The following MELK variants were observed in gnomAD, a reference collection of about 807,000 sequenced individuals.
MELK encodes maternal embryonic leucine zipper kinase.
In MELK, 81 loss-of-function variants were observed where a neutral mutation model predicts 85.0. The observed-to-expected ratio is 0.95, with a 90% CI of 0.80 to 1.15. MELK has a LOEUF of 1.15. Among genes scored for constraint, MELK ranks in the 50% most tolerant of loss-of-function variants. The pLI, the probability that MELK is intolerant of heterozygous loss-of-function variation, is 0.00. For synonymous variants in MELK, 252 were observed against 265.0 expected (o/e 0.95, Z 0.48); for missense variants, 754 against 777.5 (o/e 0.97, Z 0.36).
At chr9:36,618,242 C>A (rs57109612) in intron 8 of MELK, among the ~76,000 whole-genome samples, 1 of 151,882 alleles carries the variant, frequency 6.6e-6, no homozygotes, top group East Asian at 1.9e-4. Context: ...AACCCCATCT[C>A]TACTAAAAAT....
chr9:36,657,914 G>T (rs1475799930), intron 13 of MELK, among the ~76,000 whole-genome samples: 1 of 152,090 alleles, frequency 6.6e-6, no homozygotes, highest in Non-Finnish European at 1.5e-5. Context: ...GTATAATGAG[G>T]TATACTTTAC....
intron 8 of MELK, among the ~76,000 whole-genome samples, chr9:36,615,470 G>A (rs1826598659): frequency 1.4e-5 from 2 of 144,178 alleles, no homozygotes; most frequent in Non-Finnish European, 3.1e-5. Flanking sequence ...CTCCCGGATG[G>A]GGCGGCTGGC....
chr9:36,671,126 A>T lies in MELK; in HGVS notation c.1634A>T (p.Lys545Ile), dbSNP rs147882939. ...DKVITVLTRS[K>I]RKGSARDGPR... ...GTTATCACTGTGCTCACCAGGAGCA[A>T]AAGGAAGGGTTCTGCCAGAGACGGG... Residue 545 changes from lysine (K) to isoleucine (I), a missense_variant, in exon 16 of 18, where the codon AAA becomes ATA. Coordinates refer to ENST00000298048, the MANE Select transcript of MELK (RefSeq NM_014791.4). 299 of 1,610,456 alleles carry T rather than the reference A, an allele frequency of 1.9e-4. No individual in the cohort carries two copies. The highest frequency in any genetic ancestry group is 2.0e-4 in the Non-Finnish European group (240 of 1,178,232).
chr9:36,574,715 T>C (rs1821464112), intron 1 of MELK, among the ~76,000 whole-genome samples: 1 of 152,228 alleles, frequency 6.6e-6, no homozygotes, highest in African/African-American at 2.4e-5. Flanking sequence ...AATGTATTTA[T>C]GCGGCAAGTA....
chr9:36,580,697 G>A (rs1822144917), intron 1 of MELK, among the ~76,000 whole-genome samples: 1 of 147,582 alleles, frequency 6.8e-6, no homozygotes, highest in Non-Finnish European at 1.5e-5. Context: ...CCTTTTCCAT[G>A]TTTTTGTTGG....
chr9:36,627,249 T>C (rs891485203), intron 8 of MELK, among the ~76,000 whole-genome samples: 2 of 152,132 alleles, frequency 1.3e-5, no homozygotes, highest in African/African-American at 4.8e-5. Context: ...CAGACAGGTA[T>C]GGATCACTCA....
At chr9:36,599,895 A>G (rs1230256156) in intron 7 of MELK, among the ~76,000 whole-genome samples, 1 of 152,194 alleles carries the variant, frequency 6.6e-6, no homozygotes, top group Non-Finnish European at 1.5e-5. Flanking sequence ...GTAGGAGTCC[A>G]GGCTGAGAAG....
intron 12 of MELK, among the ~76,000 whole-genome samples, chr9:36,655,498 G>A (rs1831159052): frequency 6.6e-6 from 1 of 151,714 alleles, no homozygotes; most frequent in African/African-American, 2.4e-5. Context: ...GAGCTGGAAG[G>A]GTGGACAAGA....
At chr9:36,589,927 T>C (rs912015238) in intron 4 of MELK, among the ~76,000 whole-genome samples, 41 of 149,770 alleles carry the variant, frequency 2.7e-4, no homozygotes, top group African/African-American at 9.9e-4. Context: ...CTAGTTTTTT[T>C]TTTTTTTTTT....
chr9:36,659,638 C>T (rs1042153224), intron 13 of MELK, among the ~76,000 whole-genome samples: 1 of 152,120 alleles, frequency 6.6e-6, no homozygotes, highest in Non-Finnish European at 1.5e-5. Context: ...GGAATCAATT[C>T]GTCTCTCAGT....
chr9:36,581,569 G>C (rs1418099922), intron 1 of MELK, 75 bp from the exon 2 acceptor site: 5 of 763,540 alleles, frequency 6.5e-6, no homozygotes, highest in African/African-American at 5.3e-5. Flanking sequence ...GACTTATTTA[G>C]ATTTGCAGTT....
chr9:36,593,023 A>G (rs73645806), intron 4 of MELK, among the ~76,000 whole-genome samples: 2 of 152,170 alleles, frequency 1.3e-5, no homozygotes, highest in African/African-American at 2.4e-5. Flanking sequence ...ATTCTAGACT[A>G]TGATGTAAAT....
intron 5 of MELK, 32 bp from the exon 6 acceptor site, chr9:36,597,190 A>G: frequency 6.4e-7 from 1 of 1,567,866 alleles, no homozygotes; most frequent in Non-Finnish European, 8.8e-7. Context: ...GGAAGTCAGT[A>G]TACAGTTATC....
At chr9:36,607,452 G>C (rs890931902) in intron 7 of MELK, 123 bp from the exon 8 acceptor site, 22 of 734,454 alleles carry the variant, frequency 3.0e-5, no homozygotes, top group Non-Finnish European at 4.6e-5. Flanking sequence ...AGGTTGAAAT[G>C]GTTGATATCT....
Position 36,615,683 on chromosome 9 carries a change from C to G in MELK, c.666+8010C>G, listed in dbSNP as rs865839896. 4.3e-4 allele frequency among the ~76,000 whole-genome samples: 62 copies of G among 143,302 alleles called. 1 individual carries two copies. In the South Asian group the frequency reaches 0.013, roughly 30 times the overall value. 94.0% of individuals were successfully genotyped at this position (143,302 alleles called of 152,430 possible). The stretch of plus-strand genomic sequence containing the variant: ...GCTCCTCACCTCCCAGACGGGGTCT[C>G]GGCCGGGCAGAGGCGCTCCTCACAT... On this transcript the variant is annotated intron_variant, in intron 8 of 17. Transcript: ENST00000298048.
chr9:36,631,671 C>G (rs1411772979), intron 9 of MELK, among the ~76,000 whole-genome samples: 2 of 152,012 alleles, frequency 1.3e-5, no homozygotes, highest in Non-Finnish European at 2.9e-5. Context: ...GACCCCCAGG[C>G]TCAAGTGTTA....
chr9:36,621,311 A>AAAAAAAAAAAAAAC (rs1564173035), intron 8 of MELK, among the ~76,000 whole-genome samples: 1 of 137,264 alleles, frequency 7.3e-6, no homozygotes, highest in Non-Finnish European at 1.6e-5. Context: ...AAAAAAAAAA[A>AAAAAAAAAAAAAAC]AAAAAACTTG....
At chr9:36,636,575 G>C (rs1829161202) in intron 10 of MELK, among the ~76,000 whole-genome samples, 1 of 152,120 alleles carries the variant, frequency 6.6e-6, no homozygotes, top group South Asian at 2.1e-4. Flanking sequence ...GCTGGGTTCA[G>C]CTGGGCTGTT....
At chr9:36,591,281 A>G (rs766614482) in intron 4 of MELK, among the ~76,000 whole-genome samples, 2 of 152,126 alleles carry the variant, frequency 1.3e-5, no homozygotes, top group Admixed American at 1.3e-4. Context: ...TGTTCAAATA[A>G]AATTCTTAGG....
Sources: allele counts gnomAD v4.1 joint callset (sites outside exome capture counted in the v4.1 genomes callset), GRCh38; gene constraint gnomAD v4.1.1; transcripts MANE v1.5; gene names NCBI Gene and HGNC (gene_info 2026-07-23, HGNC 2026-07-21).